Variants in PTGIS observed in about 807,000 individuals in gnomAD.
The protein encoded by PTGIS is prostaglandin I2 synthase.
In PTGIS, 45 loss-of-function variants were observed where a neutral mutation model predicts 50.3. The observed-to-expected ratio is 0.90, with a 90% CI of 0.70 to 1.15. PTGIS has a LOEUF of 1.15. Among genes scored for constraint, PTGIS ranks in the 50% most tolerant of loss-of-function variants. PTGIS has a pLI of 0.00. For synonymous variants in PTGIS, 260 were observed against 267.7 expected, an observed-to-expected ratio of 0.97 and a Z score of 0.28; for missense variants, 668 against 661.3, an observed-to-expected ratio of 1.01 and a Z score of -0.11.
intron 5 of PTGIS, among the ~76,000 whole-genome samples, chr20:49,527,718 T>G (rs1000108429): frequency 6.6e-6 from 1 of 152,230 alleles, no homozygotes; most frequent in African/African-American, 2.4e-5. Flanking sequence ...TGCCACTGAA[T>G]TATACAATTA....
At chr20:49,533,157 G>C (rs576361543) in intron 5 of PTGIS, among the ~76,000 whole-genome samples, 1 of 152,230 alleles carries the variant, frequency 6.6e-6, no homozygotes, top group African/African-American at 2.4e-5. Context: ...TACCTCTCAA[G>C]TTTTTTCTGG....
At chr20:49,548,637 G>T (rs1181462611) in intron 2 of PTGIS, among the ~76,000 whole-genome samples, 1 of 151,796 alleles carries the variant, frequency 6.6e-6, no homozygotes, top group Non-Finnish European at 1.5e-5. Context: ...GATGGATGCT[G>T]TTGGGTAAAT....
At chr20:49,561,220 T>C (rs1303062661) in intron 1 of PTGIS, among the ~76,000 whole-genome samples, 1 of 151,950 alleles carries the variant, frequency 6.6e-6, no homozygotes, top group Non-Finnish European at 1.5e-5. Context: ...GCCCCCAGTA[T>C]AACCCAAAGG....
intron 6 of PTGIS, among the ~76,000 whole-genome samples, chr20:49,521,722 G>A (rs536150118): frequency 1.2e-4 from 18 of 152,316 alleles, no homozygotes; most frequent in Admixed American, 1.0e-3. Context: ...GTCGATGGGA[G>A]AGGAATTACC....
chr20:49,538,343 C>A (rs866997242), intron 5 of PTGIS, among the ~76,000 whole-genome samples: 9 of 143,230 alleles, frequency 6.3e-5, no homozygotes, highest in Admixed American at 2.8e-4. Context: ...GCAGGAGGAT[C>A]GCTTGAGCCC....
rs150077993 is a variant in PTGIS, at chr20:49,514,322, C to T, written c.929G>A (p.Arg310His). Residue 310 changes from arginine to histidine, a missense_variant, in exon 7 of 10, where the codon CGC becomes CAC. Transcript: ENST00000244043. ...LKNPEALAAV[R>H]GELESILWQA... ...CCAAAGGATACTCTCGAGCTCTCCG[C>T]GGACAGCAGCCAGGGCTTCAGGATT... is the stretch of plus-strand genomic sequence containing the variant. 69 of 1,614,104 alleles carry T rather than the reference C, an allele frequency of 4.3e-5. 1 individual carries two copies. Among genetic ancestry groups the T allele is most frequent in the Admixed American group, 3.0e-4 (18 of 60,028 alleles).
intron 6 of PTGIS, among the ~76,000 whole-genome samples, chr20:49,517,347 G>A (rs556446698): frequency 2.0e-5 from 3 of 152,358 alleles, no homozygotes; most frequent in African/African-American, 7.2e-5. Flanking sequence ...CCAAGCAGGA[G>A]TGGAACACAT....
intron 2 of PTGIS, among the ~76,000 whole-genome samples, chr20:49,549,439 A>G (rs1982448999): frequency 1.3e-5 from 2 of 152,184 alleles, no homozygotes; most frequent in African/African-American, 4.8e-5. Context: ...TCCCCCAAAT[A>G]TTTTCAATTC....
At chr20:49,537,490 C>T (rs1982109636) in intron 5 of PTGIS, among the ~76,000 whole-genome samples, 1 of 152,216 alleles carries the variant, frequency 6.6e-6, no homozygotes, top group South Asian at 2.1e-4. Context: ...CGTGGTGGCT[C>T]ATGCCTGTAA....
rs763459815 is a variant in PTGIS, at chr20:49,544,319, G to T, written c.507C>A (p.Tyr169Ter). The T allele has an allele frequency of 6.2e-7, 1 of 1,614,048 alleles. No homozygotes were observed. Among genetic ancestry groups the T allele is most frequent in the East Asian group, 2.2e-5 (1 of 44,904 alleles). Residue 169 changes from tyrosine (Y) to a stop codon, truncating the protein, a stop_gained, in exon 4 of 10, where the codon TAC becomes TAA. Coordinates refer to ENST00000244043, the MANE Select transcript of PTGIS (RefSeq NM_000961.4). LOFTEE classifies it high-confidence loss of function. Reference protein sequence around the residue: ...WHEMGLLDFSYSFLLRAGYLT... With the variant: ...WHEMGLLDFS ...CACAGCCTCACCTGAGCAGGAAGCT[G>T]TAGGAGAAGTCGAGGAGACCCATCT...
At chr20:49,518,656 C>CAA (rs55943621) in intron 6 of PTGIS, among the ~76,000 whole-genome samples, 160 of 141,244 alleles carry the variant, frequency 1.1e-3, no homozygotes, top group South Asian at 4.6e-3. Context: ...CTACTGAAGA[C>CAA]AAAAAAAAAA....
Position 49,524,260 on chromosome 20 carries a change from G to C in PTGIS, c.674-21C>G, listed in dbSNP as rs534534693. 7.0e-5 allele frequency: 113 copies of C among 1,612,472 alleles called. No individual in the cohort carries two copies. In the African/African-American group the frequency reaches 1.2e-3, roughly 17 times the overall value. The stretch of plus-strand genomic sequence containing the variant: ...GTCCCCTGCAGGGACAGAGCACAGA[G>C]AGTAGGGGTTACAGATTCACCATCC... On this transcript the variant is annotated intron_variant, in intron 5 of 9. Transcript: ENST00000244043.
intron 5 of PTGIS, among the ~76,000 whole-genome samples, chr20:49,530,884 C>T (rs8115305): frequency 0.029 from 4,447 of 152,144 alleles, 75 homozygotes; most frequent in African/African-American, 0.042. Flanking sequence ...CTCAGCCTCC[C>T]GAGTAGCTGA....
At chr20:49,565,774 C>G (rs1450107450) in intron 1 of PTGIS, among the ~76,000 whole-genome samples, 3 of 152,182 alleles carry the variant, frequency 2.0e-5, no homozygotes, top group African/African-American at 7.2e-5. Context: ...ATGGAGATAA[C>G]CAGAGTGTCC....
intron 9 of PTGIS, among the ~76,000 whole-genome samples, chr20:49,510,663 G>A (rs1981290857): frequency 6.6e-6 from 1 of 152,186 alleles, no homozygotes; most frequent in South Asian, 2.1e-4. Context: ...AGTGGGAACA[G>A]TGAAGTTCGG....
At chr20:49,526,491 C>T (rs748553890) in intron 5 of PTGIS, among the ~76,000 whole-genome samples, 1 of 152,126 alleles carries the variant, frequency 6.6e-6, no homozygotes, top group Non-Finnish European at 1.5e-5. Flanking sequence ...TATATTTGCA[C>T]AATCAATGAA....
intron 1 of PTGIS, among the ~76,000 whole-genome samples, chr20:49,555,713 G>A (rs142890513): frequency 4.5e-4 from 69 of 152,316 alleles, no homozygotes; most frequent in African/African-American, 1.5e-3. Context: ...TACCACAGAC[G>A]TAACCAAATT....
Position 49,511,147 on chromosome 20 carries a change from G to T in PTGIS, c.1239C>A (p.Asp413Glu), listed in dbSNP as rs5630. The T allele has an allele frequency of 6.2e-7, 1 of 1,614,136 alleles. No individual in the cohort carries two copies. The highest frequency in any genetic ancestry group is 8.5e-7 in the Non-Finnish European group (1 of 1,180,032). ...TGTAAAAGTCTTTCTTCTCTGATCC[G>T]TCAGGGTTCAGGAATCGGTTGTATT... The part of the protein sequence containing the change: ...VFKYNRFLNP[D>E]GSEKKDFYKD... Residue 413 changes from aspartate (D) to glutamate (E), a missense_variant, in exon 9 of 10, where the codon GAC (aspartate) becomes GAA (glutamate). Transcript: ENST00000244043.
chr20:49,547,103 G>A (rs761848325), intron 3 of PTGIS, among the ~76,000 whole-genome samples: 4 of 152,136 alleles, frequency 2.6e-5, no homozygotes, highest in East Asian at 1.9e-4. Context: ...GTGGTGGCAC[G>A]TGCCTGTAAT....
Sources: allele counts gnomAD v4.1 joint callset (sites outside exome capture counted in the v4.1 genomes callset), GRCh38; gene constraint gnomAD v4.1.1; transcripts MANE v1.5; gene names NCBI Gene and HGNC (gene_info 2026-07-23, HGNC 2026-07-21).